Variants in ATP10B observed in about 807,000 individuals in gnomAD.
ATP10B encodes phospholipid-transporting ATPase VB.
A neutral mutation model predicts 141.2 loss-of-function variants in ATP10B; 122 were observed. That is an observed-to-expected ratio of 0.86 (90% CI 0.75 to 1.00). The LOEUF (loss-of-function observed/expected upper bound fraction) is 1.00, where lower values mean the gene tolerates loss of function less well. ATP10B is among the 50% of genes least tolerant of loss of function. The pLI, the probability that ATP10B is intolerant of heterozygous loss-of-function variation, is 0.00. For synonymous variants in ATP10B, 685 were observed against 692.0 expected, an observed-to-expected ratio of 0.99 and a Z score of 0.16; for missense variants, 1,876 against 1,825.3, an observed-to-expected ratio of 1.03 and a Z score of -0.51.
At chr5:160,838,027 A>C (rs1775567261) in intron 1 of ATP10B, among the ~76,000 whole-genome samples, 1 of 152,212 alleles carries the variant, frequency 6.6e-6, no homozygotes, top group Non-Finnish European at 1.5e-5. Context: ...CAGAATTAAA[A>C]GATTATGCCG....
chr5:160,567,741 ATTGGGGGCCAGGT>A (rs1445060678), intron 25 of ATP10B, among the ~76,000 whole-genome samples: 4 of 152,156 alleles, frequency 2.6e-5, no homozygotes, highest in Admixed American at 6.5e-5. Context: ...GCAGGGAGGA[ATTGGGGGCCAGGT>A]TTATGGTTTT....
the ATP10B span, among the ~76,000 whole-genome samples, chr5:160,897,828 G>A: frequency 6.6e-6 from 1 of 152,244 alleles, no homozygotes; most frequent in Middle Eastern, 3.4e-3. Flanking sequence ...GCATGGAACT[G>A]GTACCAAAAC....
chr5:160,766,337 A>AACACAG (rs1769411234), intron 2 of ATP10B, among the ~76,000 whole-genome samples: 1 of 140,296 alleles, frequency 7.1e-6, no homozygotes. Context: ...GGATAAAGAG[A>AACACAG]ACACACACAC....
rs188696835 is a variant in ATP10B, at chr5:160,587,206, A to G, written c.3750+2386T>C. ...CAGTTTTCCCAGTACCATTTATTAA[A>G]TAGGGAATCTTTTCCCCATTGCTAG... On this transcript the variant is annotated intron_variant, in intron 24 of 25. Transcript: ENST00000327245. 3.7e-4 allele frequency among the ~76,000 whole-genome samples: 57 copies of G among 152,316 alleles called. 1 individual carries two copies. The highest frequency in any genetic ancestry group is 1.3e-3 in the African/African-American group (53 of 41,562).
chr5:160,920,887 C>T, the ATP10B span, among the ~76,000 whole-genome samples: 1 of 152,148 alleles, frequency 6.6e-6, no homozygotes, highest in African/African-American at 2.4e-5. Context: ...GAGTCTAGGG[C>T]GTAGTCAAAG....
chr5:160,867,198 A>G, the ATP10B span, among the ~76,000 whole-genome samples: 1 of 68,132 alleles, frequency 1.5e-5, no homozygotes, highest in African/African-American at 3.5e-5. Flanking sequence ...TCTCATATAT[A>G]TGCATATATA....
In ATP10B at chr5:160,577,946, A is replaced by AT. The variant is rs1006735570; in HGVS notation, c.3751-8264dup. ...TATTAAAAGTTTCTATACCCCTTCT[A>AT]TTTTTTCATCTATTTGATCTATACC... On this transcript the variant is annotated intron_variant, in intron 24 of 25. Coordinates refer to ENST00000327245, the MANE Select transcript of ATP10B (RefSeq NM_025153.3). Among the ~76,000 whole-genome samples the AT allele has an allele frequency of 3.3e-5, 5 of 151,740 alleles. 1 individual carries two copies. Among genetic ancestry groups the AT allele is most frequent in the East Asian group, 1.9e-4 (1 of 5,170 alleles).
intron 3 of ATP10B, among the ~76,000 whole-genome samples, chr5:160,707,573 T>C (rs1334020939): frequency 6.6e-6 from 1 of 152,246 alleles, no homozygotes; most frequent in Non-Finnish European, 1.5e-5. Context: ...TATGCGCATG[T>C]TATGTTCTGA....
intron 1 of ATP10B, among the ~76,000 whole-genome samples, chr5:160,830,582 T>C (rs1223424259): frequency 6.6e-6 from 1 of 152,112 alleles, no homozygotes; most frequent in African/African-American, 2.4e-5. Context: ...TTATAGGCTA[T>C]CCATAGAGAA....
At chr5:160,802,705 A>G (rs1050188780) in intron 1 of ATP10B, among the ~76,000 whole-genome samples, 2 of 152,194 alleles carry the variant, frequency 1.3e-5, no homozygotes, top group African/African-American at 4.8e-5. Context: ...GCCTAAAGTT[A>G]GTTGCTAATG....
intron 11 of ATP10B, 32 bp downstream of exon 11, chr5:160,636,150 T>C: frequency 3.8e-6 from 6 of 1,570,476 alleles, no homozygotes; most frequent in South Asian, 1.2e-5. Flanking sequence ...CCACATATCT[T>C]ATTGGGCCCC....
At chr5:160,673,430 A>G (rs529050843) in intron 6 of ATP10B, among the ~76,000 whole-genome samples, 6 of 152,204 alleles carry the variant, frequency 3.9e-5, no homozygotes, top group African/African-American at 9.6e-5. Flanking sequence ...AAACAATCCA[A>G]TTGTACTCAT....
rs79660346 is a variant in ATP10B at position 160,831,286 on chromosome 5, A to G, written c.-576+20655T>C. On this transcript the variant is annotated intron_variant, in intron 1 of 25. Coordinates refer to ENST00000327245, the MANE Select transcript of ATP10B (RefSeq NM_025153.3). ...TTAATTAATGGTGACTCTACCTAGC[A>G]TAGAATTTTCCTTGTTTAACTGCAC... Among the ~76,000 whole-genome samples the G allele has an allele frequency of 1.1e-4, 17 of 152,152 alleles. No homozygotes were observed. The East Asian group carries it at 3.3e-3, about 29-fold the overall frequency.
chr5:160,814,341 C>G (rs1275309765), intron 1 of ATP10B, among the ~76,000 whole-genome samples: 2 of 152,094 alleles, frequency 1.3e-5, no homozygotes, highest in Non-Finnish European at 2.9e-5. Flanking sequence ...GATGAATGCA[C>G]AAGCCTCAGT....
chr5:160,639,738 G>A (rs1253888412), intron 10 of ATP10B, among the ~76,000 whole-genome samples: 3 of 152,158 alleles, frequency 2.0e-5, no homozygotes, highest in Admixed American at 1.3e-4. Context: ...GATGGTTTCA[G>A]GGGTTTCAGG....
chr5:160,641,888 C>T (rs548964187), intron 9 of ATP10B, among the ~76,000 whole-genome samples: 1 of 152,292 alleles, frequency 6.6e-6, no homozygotes, highest in African/African-American at 2.4e-5. Context: ...AAACTCTAGG[C>T]TTTTAAAATT....
intron 5 of ATP10B, among the ~76,000 whole-genome samples, chr5:160,687,278 C>T (rs534174780): frequency 6.6e-6 from 1 of 152,258 alleles, no homozygotes; most frequent in Non-Finnish European, 1.5e-5. Flanking sequence ...ATCTCTCTGC[C>T]TCTCCATTTT....
At chr5:160,649,331 T>A in intron 7 of ATP10B, 75 bp from the exon 8 acceptor site, 1 of 1,060,546 alleles carries the variant, frequency 9.4e-7, no homozygotes, top group South Asian at 1.3e-5. Context: ...GGAGAGCTAA[T>A]CACTGTTAGA....
chr5:160,669,346 C>A (rs1382255740), intron 7 of ATP10B, among the ~76,000 whole-genome samples: 11 of 152,144 alleles, frequency 7.2e-5, no homozygotes, highest in Non-Finnish European at 1.5e-4. Context: ...GGAAAGGGAA[C>A]TATTTTTGTC....
Sources: gnomAD v4.1 joint callset for allele counts (sites outside exome capture counted in the v4.1 genomes callset) on GRCh38, gnomAD v4.1.1 for gene constraint, MANE v1.5 for transcripts, NCBI Gene and HGNC (gene_info 2026-07-23, HGNC 2026-07-21) for gene names.